The following EPHX4 variants were observed in gnomAD, a reference collection of about 807,000 sequenced individuals.
EPHX4 encodes the protein abhydrolase domain containing 7.
In EPHX4, 31 loss-of-function variants were observed where a neutral mutation model predicts 44.9. The observed-to-expected ratio is 0.69, with a 90% CI of 0.52 to 0.93. The LOEUF (loss-of-function observed/expected upper bound fraction) is 0.93, where lower values mean the gene tolerates loss of function less well. Ranked by LOEUF, EPHX4 falls within the 40% of genes least tolerant of loss-of-function variation. The pLI is 0.00. For missense variants in EPHX4, 373 were observed against 438.1 expected, an observed-to-expected ratio of 0.85 and a Z score of 1.33; for synonymous variants, 151 against 159.7, an observed-to-expected ratio of 0.95 and a Z score of 0.41.
intron 2 of EPHX4, 138 bp downstream of exon 2, chr1:92,032,728 C>A: frequency 1.3e-6 from 1 of 745,552 alleles, no homozygotes; most frequent in Non-Finnish European, 2.2e-6. Context: ...GTTCTGGAGG[C>A]TGGGAAGTTC....
At chr1:92,052,297 G>T (rs1369416061) in intron 5 of EPHX4, among the ~76,000 whole-genome samples, 1 of 151,992 alleles carries the variant, frequency 6.6e-6, no homozygotes, top group African/African-American at 2.4e-5. Flanking sequence ...GTGTGCAGGG[G>T]GGATTAGAAG....
chr1:92,054,853 A>G (rs1647329096), intron 6 of EPHX4, among the ~76,000 whole-genome samples: 1 of 152,150 alleles, frequency 6.6e-6, no homozygotes, highest in East Asian at 1.9e-4. Context: ...TGCAGATCAG[A>G]CAAGCCAAAG....
intron 2 of EPHX4, among the ~76,000 whole-genome samples, chr1:92,036,585 G>C: frequency 6.6e-6 from 1 of 152,194 alleles, no homozygotes; most frequent in East Asian, 1.9e-4. Context: ...AAAAGCCATA[G>C]ATTAAGAAAT....
chr1:92,045,366 T>G (rs1248814814), intron 3 of EPHX4, among the ~76,000 whole-genome samples, 166 bp from the exon 4 acceptor site: 1 of 152,048 alleles, frequency 6.6e-6, no homozygotes, highest in African/African-American at 2.4e-5. Flanking sequence ...ATATAGGTGA[T>G]GTACAGACAA....
chr1:92,050,466 A>G (rs781069308), intron 5 of EPHX4, 46 bp downstream of exon 5: 6 of 1,026,970 alleles, frequency 5.8e-6, no homozygotes, highest in Non-Finnish European at 8.4e-6. Flanking sequence ...ATTATTATTA[A>G]TGAAAAATAT....
chr1:92,038,198 C>CCAATTCTAAATGTAAT (rs1303261498), intron 2 of EPHX4, among the ~76,000 whole-genome samples: 3 of 152,186 alleles, frequency 2.0e-5, no homozygotes, highest in Non-Finnish European at 2.9e-5. Context: ...TTTGCATAAT[C>CCAATTCTAAATGTAAT]TCTAATCCAA....
At chr1:92,060,777 A>G (rs570970516) in intron 6 of EPHX4, among the ~76,000 whole-genome samples, 420 of 152,198 alleles carry the variant, frequency 2.8e-3, no homozygotes, top group African/African-American at 9.4e-3. Context: ...TACTAATTCA[A>G]TTGTTCTGTG....
chr1:92,063,229 C>T lies in EPHX4; in HGVS notation c.1032C>T (p.Asp344=), dbSNP rs1247821031. 3.1e-6 allele frequency: 5 copies of T among 1,613,390 alleles called. No individual in the cohort carries two copies. The highest frequency in any genetic ancestry group is 4.2e-6 in the Non-Finnish European group (5 of 1,179,638). The change falls in exon 7 of 7, where the codon GAC becomes GAT. Residue 344 remains aspartate, a synonymous_variant. Transcript: ENST00000370383. ...ASHWLQQDQP[D]IVNKLIWTFL... ...ATTGGCTTCAGCAAGACCAACCTGACATAGTGAACAAATTGATATGGACAT... is the reference window on the plus strand; with the variant it reads ...ATTGGCTTCAGCAAGACCAACCTGATATAGTGAACAAATTGATATGGACAT...
chr1:92,052,768 G>T (rs1647290390), intron 6 of EPHX4, 110 bp downstream of exon 6: 3 of 1,006,350 alleles, frequency 3.0e-6, no homozygotes, highest in Admixed American at 3.7e-5. Flanking sequence ...CTCAAATAAG[G>T]TATTTTAATT....
rs531433144 is a variant in EPHX4, at chr1:92,057,609, T to G, written c.857+4951T>G. Among the ~76,000 whole-genome samples the G allele has an allele frequency of 1.2e-3, 188 of 152,152 alleles. 2 individuals carry two copies. The highest frequency in any genetic ancestry group is 4.4e-3 in the African/African-American group (184 of 41,484). ...GATGGTTTTACAGGTAAGTTTGTTT[T>G]TTTTTTTTGAGACGGAGTCTTGCTC... On this transcript the variant is annotated intron_variant, in intron 6 of 6. Coordinates refer to ENST00000370383, the MANE Select transcript of EPHX4 (RefSeq NM_173567.5).
intron 2 of EPHX4, among the ~76,000 whole-genome samples, chr1:92,039,172 A>G (rs557970365): frequency 1.3e-5 from 2 of 152,350 alleles, no homozygotes; most frequent in East Asian, 1.9e-4. Flanking sequence ...TTTTTCTGCT[A>G]GAATAATAAG....
intron 2 of EPHX4, among the ~76,000 whole-genome samples, chr1:92,039,738 C>T (rs1031848638): frequency 6.6e-6 from 1 of 152,108 alleles, no homozygotes; most frequent in Non-Finnish European, 1.5e-5. Flanking sequence ...ACTGCAACCT[C>T]CATCTCCCGG....
At chr1:92,053,775 G>A (rs954384827) in intron 6 of EPHX4, among the ~76,000 whole-genome samples, 7 of 152,102 alleles carry the variant, frequency 4.6e-5, no homozygotes, top group African/African-American at 9.7e-5. Context: ...GAGAGGAAAC[G>A]CTAGAACAGG....
chr1:92,049,329 C>G (rs527943151), intron 4 of EPHX4, among the ~76,000 whole-genome samples: 1 of 152,130 alleles, frequency 6.6e-6, no homozygotes, highest in African/African-American at 2.4e-5. Flanking sequence ...CCCAGAGAGG[C>G]CTTCTTGACT....
intron 4 of EPHX4, among the ~76,000 whole-genome samples, chr1:92,047,305 G>A (rs1430105521): frequency 1.3e-5 from 2 of 151,916 alleles, no homozygotes. Context: ...GCTACCTGGG[G>A]GGCTGAAGCA....
chr1:92,058,843 G>A (rs562302003), intron 6 of EPHX4, among the ~76,000 whole-genome samples: 11 of 152,260 alleles, frequency 7.2e-5, no homozygotes, highest in East Asian at 1.9e-4. Flanking sequence ...TAAGTAATAC[G>A]TTTGTAGTAC....
Position 92,051,032 on chromosome 1 carries a change from C to T in EPHX4, c.708+612C>T, listed in dbSNP as rs147419813. On this transcript the variant is annotated intron_variant, in intron 5 of 6. Transcript: ENST00000370383. ...ATTTTTTGTAGAGACTGGGTTTTAC[C>T]ATGTTGCCCAGGCTGGTCTGAAACT... 6.8e-3 allele frequency among the ~76,000 whole-genome samples: 1,028 copies of T among 152,044 alleles called. 10 individuals carry two copies. The highest frequency in any genetic ancestry group is 0.012 in the Non-Finnish European group (838 of 67,948).
At chr1:92,030,941 C>T (rs2101864183) in intron 1 of EPHX4, among the ~76,000 whole-genome samples, 1 of 152,294 alleles carries the variant, frequency 6.6e-6, no homozygotes, top group Admixed American at 6.5e-5. Context: ...CCTGCAGACG[C>T]TAATTGTTCA....
Position 92,063,108 on chromosome 1 carries a change from G to A in EPHX4, c.911G>A (p.Gly304Glu). ...ACCACTCCAACACTACTACTGTGGG[G>A]AGAGAATGACGCATTCATGGAGGTT... ...MVTTPTLLLW[G>E]ENDAFMEVEM... Residue 304 changes from glycine to glutamate, a missense_variant, in exon 7 of 7, where the codon GGA (glycine) becomes GAA (glutamate). By Grantham distance (98) the Gly-to-Glu change is moderately conservative (BLOSUM62 -2). Transcript: ENST00000370383. The A allele has an allele frequency of 1.9e-6, 3 of 1,614,146 alleles. No individual in the cohort carries two copies. Among genetic ancestry groups the A allele is most frequent in the South Asian group, 1.1e-5 (1 of 91,078 alleles).
Sources: gnomAD v4.1 joint callset for allele counts (sites outside exome capture counted in the v4.1 genomes callset) on GRCh38, gnomAD v4.1.1 for gene constraint, MANE v1.5 for transcripts, NCBI Gene and HGNC (gene_info 2026-07-23, HGNC 2026-07-21) for gene names.